Variants in NELL1 observed in about 807,000 individuals in gnomAD.
The protein encoded by NELL1 is protein kinase C-binding protein NELL1.
Under a neutral mutation model 107.4 loss-of-function variants are expected in NELL1, and 76 were observed. That is an observed-to-expected ratio of 0.71 (90% CI 0.59 to 0.86). The LOEUF (loss-of-function observed/expected upper bound fraction) is 0.86, where lower values mean the gene tolerates loss of function less well. Ranked by LOEUF, NELL1 falls within the 40% of genes least tolerant of loss-of-function variation. The pLI, the probability that NELL1 is intolerant of heterozygous loss-of-function variation, is 0.00. For synonymous variants in NELL1, 353 were observed against 341.2 expected (o/e 1.03, Z -0.38); for missense variants, 1,024 against 1,005.5 (o/e 1.02, Z -0.25).
chr11:21,407,395 A>G (rs1852262187), intron 15 of NELL1, among the ~76,000 whole-genome samples: 1 of 152,072 alleles, frequency 6.6e-6, no homozygotes, highest in African/African-American at 2.4e-5. Flanking sequence ...CAGCCTGGGC[A>G]CCAGAGTGAG....
chr11:21,355,905 A>G (rs557348283), intron 14 of NELL1, among the ~76,000 whole-genome samples: 21 of 152,126 alleles, frequency 1.4e-4, no homozygotes, highest in Non-Finnish European at 3.1e-4. Context: ...CGTGATCTGC[A>G]CACTTCATTC....
chr11:21,463,792 G>A (rs1853957846), intron 15 of NELL1, among the ~76,000 whole-genome samples: 1 of 152,118 alleles, frequency 6.6e-6, no homozygotes, highest in South Asian at 2.1e-4. Flanking sequence ...AGGCCAACTA[G>A]AGGTGGCTTG....
At chr11:20,776,025 G>A (rs1856743211) in intron 2 of NELL1, among the ~76,000 whole-genome samples, 1 of 152,200 alleles carries the variant, frequency 6.6e-6, no homozygotes, top group African/African-American at 2.4e-5. Context: ...TTGGAGCCAA[G>A]ATGTAGTTTA....
chr11:21,332,073 A>G (rs1040246255), intron 14 of NELL1, among the ~76,000 whole-genome samples: 1 of 152,000 alleles, frequency 6.6e-6, no homozygotes, highest in Non-Finnish European at 1.5e-5. Context: ...TGAGGTCTCT[A>G]TTGAATTACT....
At chr11:21,336,674 T>TATATATATATATACACACAC (rs55720144) in intron 14 of NELL1, among the ~76,000 whole-genome samples, 1 of 130,526 alleles carries the variant, frequency 7.7e-6, no homozygotes, top group Admixed American at 8.1e-5. Flanking sequence ...TATATATATA[T>TATATATATATATACACACAC]ACACACACAC....
At chr11:21,331,693 T>G (rs1850276654) in intron 14 of NELL1, among the ~76,000 whole-genome samples, 1 of 152,100 alleles carries the variant, frequency 6.6e-6, no homozygotes, top group Admixed American at 6.6e-5. Flanking sequence ...TTCAGACCTC[T>G]TTGCAGAAGT....
At chr11:20,720,948 T>G (rs1855367020) in intron 2 of NELL1, among the ~76,000 whole-genome samples, 1 of 152,002 alleles carries the variant, frequency 6.6e-6, no homozygotes, top group Non-Finnish European at 1.5e-5. Flanking sequence ...TAACACATCT[T>G]TTTCTCCTGG....
At chr11:20,802,703 C>A (rs1182704285) in intron 3 of NELL1, among the ~76,000 whole-genome samples, 2 of 152,126 alleles carry the variant, frequency 1.3e-5, no homozygotes, top group African/African-American at 2.4e-5. Flanking sequence ...AGCTATGGGT[C>A]TTTCATACAT....
At chr11:21,195,825 T>C (rs1489347347) in intron 13 of NELL1, among the ~76,000 whole-genome samples, 4 of 152,164 alleles carry the variant, frequency 2.6e-5, no homozygotes, top group African/African-American at 9.6e-5. Flanking sequence ...AATACAGCTC[T>C]AGGTCCTGGG....
At chr11:21,240,116 A>G (rs1858314747) in intron 14 of NELL1, among the ~76,000 whole-genome samples, 1 of 151,992 alleles carries the variant, frequency 6.6e-6, no homozygotes. Context: ...TTCCTCTACC[A>G]TTCCCTCCTG....
rs149327802 is a variant in NELL1, at chr11:21,381,904, A to ATTTTTTT, written c.1645+10980_1645+10986dup. Among the ~76,000 whole-genome samples the ATTTTTTT allele has an allele frequency of 1.9e-4, 17 of 91,370 alleles. 1 individual carries two copies. The highest frequency in any genetic ancestry group is 7.1e-4 in the African/African-American group (16 of 22,472). 59.9% of individuals were successfully genotyped at this position (91,370 alleles called of 152,430 possible). A position where few individuals can be genotyped will look rare whatever the true frequency, so the allele number is the denominator to read the frequency against. On this transcript the variant is annotated intron_variant, in intron 15 of 19. Coordinates refer to ENST00000357134, the MANE Select transcript of NELL1 (RefSeq NM_006157.5). ...AACTTGGGTATGGTCCCTGGAAGGG[A>ATTTTTTT]TTTTTTTTTTTTTTTTTTTTTTTTT...
chr11:21,123,689 A>G (rs1470117384), intron 13 of NELL1, among the ~76,000 whole-genome samples: 3 of 152,190 alleles, frequency 2.0e-5, no homozygotes, highest in Admixed American at 6.5e-5. Context: ...ATGTTTATTT[A>G]TAGTAACTTA....
chr11:21,563,392 C>T (rs1001296307), intron 17 of NELL1, among the ~76,000 whole-genome samples: 1 of 151,988 alleles, frequency 6.6e-6, no homozygotes, highest in Non-Finnish European at 1.5e-5. Context: ...ACACAAACAA[C>T]TAACCACTTG....
intron 1 of NELL1, among the ~76,000 whole-genome samples, chr11:20,672,239 A>T (rs1853931785): frequency 6.6e-6 from 1 of 152,228 alleles, no homozygotes; most frequent in African/African-American, 2.4e-5. Flanking sequence ...CTTCTTAGGT[A>T]ACAAAGGCTG....
At chr11:21,135,633 A>G (rs1855728891) in intron 13 of NELL1, among the ~76,000 whole-genome samples, 1 of 152,198 alleles carries the variant, frequency 6.6e-6, no homozygotes, top group African/African-American at 2.4e-5. Context: ...TTATCATGAC[A>G]TAATATGAGG....
At chr11:21,228,167 A>G (rs1857942660) in intron 13 of NELL1, among the ~76,000 whole-genome samples, 1 of 152,216 alleles carries the variant, frequency 6.6e-6, no homozygotes, top group African/African-American at 2.4e-5. Flanking sequence ...GTTAAAAAGG[A>G]ATAAAGGATA....
chr11:20,882,492 G>C (rs1335709211), intron 4 of NELL1, among the ~76,000 whole-genome samples: 1 of 152,150 alleles, frequency 6.6e-6, no homozygotes, highest in Non-Finnish European at 1.5e-5. Context: ...TATTTGCCCA[G>C]ATTCTGCATT....
chr11:21,284,425 C>CA, intron 14 of NELL1: 1 of 457,542 alleles, frequency 2.2e-6, no homozygotes. Flanking sequence ...AGATGGGATG[C>CA]AAAAAAGTGA....
rs140014420 is a variant in NELL1, at chr11:21,350,017, A to C, written c.1550-20836A>C. Among the ~76,000 whole-genome samples the C allele has an allele frequency of 5.9e-3, 894 of 152,282 alleles. 11 individuals carry two copies. The highest frequency in any genetic ancestry group is 0.02 in the African/African-American group (844 of 41,568). On this transcript the variant is annotated intron_variant, in intron 14 of 19. Transcript: ENST00000357134. ...CCAACATAGCCAATAATTTTTAAAAATCTGATAGATGATAGGACACCTCAG... is the reference window on the plus strand; with the variant it reads ...CCAACATAGCCAATAATTTTTAAAACTCTGATAGATGATAGGACACCTCAG...
Sources: allele counts gnomAD v4.1 joint callset (sites outside exome capture counted in the v4.1 genomes callset), GRCh38; gene constraint gnomAD v4.1.1; transcripts MANE v1.5; gene names NCBI Gene and HGNC (gene_info 2026-07-23, HGNC 2026-07-21).